CDYL2: variants seen among roughly 807,000 people sequenced by gnomAD.
CDYL2 encodes chromodomain Y-like protein 2.
Under a neutral mutation model 49.4 loss-of-function variants are expected in CDYL2, and 23 were observed. That is an observed-to-expected ratio of 0.47 (90% CI 0.34 to 0.66). CDYL2 has a LOEUF of 0.66. Ranked by LOEUF, CDYL2 falls within the 30% of genes least tolerant of loss-of-function variation. The pLI is 0.01. For missense variants in CDYL2, 678 were observed against 656.4 expected (o/e 1.03, Z -0.36); for synonymous variants, 360 against 268.8 (o/e 1.34, Z -3.32).
chr16:80,798,812 T>C (rs1330956366), intron 1 of CDYL2, among the ~76,000 whole-genome samples: 1 of 37,162 alleles, frequency 2.7e-5, no homozygotes, highest in Admixed American at 3.6e-4. Flanking sequence ...ACTAGTAAGA[T>C]ATGCAAATAC....
At chr16:80,762,277 G>C (rs146924454) in intron 1 of CDYL2, among the ~76,000 whole-genome samples, 1 of 152,324 alleles carries the variant, frequency 6.6e-6, no homozygotes, top group East Asian at 1.9e-4. Flanking sequence ...AAGAGTCGCA[G>C]AGTGAAATTC....
At chr16:80,684,449 G>A in intron 2 of CDYL2, 89 bp downstream of exon 2, 1 of 1,194,988 alleles carries the variant, frequency 8.4e-7, no homozygotes, top group Non-Finnish European at 1.2e-6. Context: ...GGATGGAGGT[G>A]GGGGTCTTAT....
chr16:80,674,093 C>A (rs566279597), intron 2 of CDYL2, among the ~76,000 whole-genome samples: 1 of 152,242 alleles, frequency 6.6e-6, no homozygotes, highest in African/African-American at 2.4e-5. Flanking sequence ...TTTAAGCCAC[C>A]AAGTTGGGAG....
intron 1 of CDYL2, among the ~76,000 whole-genome samples, chr16:80,759,162 A>T (rs61263399): frequency 0.041 from 4,750 of 115,006 alleles, 255 homozygotes; most frequent in African/African-American, 0.095. Flanking sequence ...TATATGGTTT[A>T]TATATATATA....
At chr16:80,676,963 AT>A (rs35188796) in intron 2 of CDYL2, among the ~76,000 whole-genome samples, 6,555 of 59,860 alleles carry the variant, frequency 0.11, 133 homozygotes, top group Admixed American at 0.22. Flanking sequence ...AATTCAATGT[AT>A]TTTTTTTTTT....
chr16:80,793,277 T>G (rs1375327281), intron 1 of CDYL2, among the ~76,000 whole-genome samples: 3 of 152,198 alleles, frequency 2.0e-5, no homozygotes, highest in Non-Finnish European at 4.4e-5. Context: ...CTCTATCACA[T>G]GCACACCTTA....
chr16:80,673,691 G>A (rs1305676496), intron 2 of CDYL2, among the ~76,000 whole-genome samples: 1 of 152,142 alleles, frequency 6.6e-6, no homozygotes, highest in East Asian at 1.9e-4. Flanking sequence ...TGCCTGTGGT[G>A]GGATGAATAG....
chr16:80,744,202 G>A (rs1905848375), intron 1 of CDYL2, among the ~76,000 whole-genome samples: 1 of 152,204 alleles, frequency 6.6e-6, no homozygotes, highest in South Asian at 2.1e-4. Flanking sequence ...CAGAGACGCA[G>A]AAAAGGCAGG....
chr16:80,742,625 A>AATGG (rs1208039921), intron 1 of CDYL2, among the ~76,000 whole-genome samples: 21 of 144,970 alleles, frequency 1.4e-4, no homozygotes, highest in African/African-American at 3.9e-4. Flanking sequence ...TGAATGGATG[A>AATGG]ATGGATGGAT....
chr16:80,750,837 T>C (rs1241076012), intron 1 of CDYL2, among the ~76,000 whole-genome samples: 1 of 151,990 alleles, frequency 6.6e-6, no homozygotes, highest in Admixed American at 6.6e-5. Context: ...GGCTAAACAG[T>C]GAAACCCCGT....
chr16:80,764,239 T>C (rs1906636362), intron 1 of CDYL2, among the ~76,000 whole-genome samples: 1 of 152,294 alleles, frequency 6.6e-6, no homozygotes, highest in Non-Finnish European at 1.5e-5. Flanking sequence ...AATACATTCT[T>C]TACACAGTAG....
At chr16:80,684,132 G>A (rs965287446) in intron 2 of CDYL2, among the ~76,000 whole-genome samples, 3 of 152,176 alleles carry the variant, frequency 2.0e-5, no homozygotes, top group African/African-American at 7.2e-5. Flanking sequence ...GGCATGATGA[G>A]GCTGCAAGCA....
intron 1 of CDYL2, among the ~76,000 whole-genome samples, chr16:80,783,970 A>G (rs1907352495): frequency 6.6e-6 from 1 of 152,234 alleles, no homozygotes; most frequent in Non-Finnish European, 1.5e-5. Flanking sequence ...AATGTTCTGG[A>G]ACTAGACAAC....
At position 80,664,732 on chromosome 16, in the gene CDYL2, C is replaced by G. The variant is rs1049995313; in HGVS notation, c.616+19806G>C. 2.0e-5 allele frequency among the ~76,000 whole-genome samples: 3 copies of G among 152,132 alleles called. No individual in the cohort carries two copies. The East Asian group carries it at 5.8e-4, about 29-fold the overall frequency. Reference sequence around the variant, plus strand: ...GAATTTAGGAATCTAGGTCTCAAGCCAGGACAACTAGATCTGAATCCTGGA... The same window carrying G: ...GAATTTAGGAATCTAGGTCTCAAGCGAGGACAACTAGATCTGAATCCTGGA... On this transcript the variant is annotated intron_variant, in intron 2 of 6. Coordinates refer to ENST00000570137, the MANE Select transcript of CDYL2 (RefSeq NM_152342.4).
chr16:80,655,618 A>C (rs533917605), intron 2 of CDYL2, among the ~76,000 whole-genome samples: 1 of 152,294 alleles, frequency 6.6e-6, no homozygotes, highest in African/African-American at 2.4e-5. Flanking sequence ...TAAGCCATGA[A>C]ACTAGCAGAG....
chr16:80,684,210 A>G (rs1173277614), intron 2 of CDYL2, among the ~76,000 whole-genome samples: 1 of 152,168 alleles, frequency 6.6e-6, no homozygotes, highest in African/African-American at 2.4e-5. Flanking sequence ...CCTGGGGGTG[A>G]GGACTTGAGC....
At chr16:80,734,322 C>T (rs1470823961) in intron 1 of CDYL2, among the ~76,000 whole-genome samples, 1 of 152,134 alleles carries the variant, frequency 6.6e-6, no homozygotes, top group African/African-American at 2.4e-5. Flanking sequence ...ACTTCGGGGT[C>T]ATAATCATCT....
chr16:80,633,360 C>T (rs1381691068), intron 2 of CDYL2, 124 bp from the exon 3 acceptor site: 16 of 850,356 alleles, frequency 1.9e-5, no homozygotes, highest in Non-Finnish European at 2.9e-5. Flanking sequence ...CCACCTTCTC[C>T]CCTGTGCCAC....
intron 2 of CDYL2, among the ~76,000 whole-genome samples, chr16:80,633,984 G>A (rs1054301570): frequency 6.6e-6 from 1 of 152,092 alleles, no homozygotes; most frequent in African/African-American, 2.4e-5. Context: ...GCTAAAGAAA[G>A]CAAGGCCAAG....
Sources: gnomAD v4.1 joint callset for allele counts (sites outside exome capture counted in the v4.1 genomes callset) on GRCh38, gnomAD v4.1.1 for gene constraint, MANE v1.5 for transcripts, NCBI Gene and HGNC (gene_info 2026-07-23, HGNC 2026-07-21) for gene names.